The following NR6A1 variants were observed in gnomAD, a reference collection of about 807,000 sequenced individuals.
NR6A1 encodes the protein nuclear receptor subfamily 6 group A member 1.
In NR6A1, 7 loss-of-function variants were observed where a neutral mutation model predicts 59.1. That is an observed-to-expected ratio of 0.12 (90% confidence interval 0.07 to 0.22). The LOEUF (loss-of-function observed/expected upper bound fraction) is 0.22. Ranked by LOEUF, NR6A1 falls within the 10% of genes least tolerant of loss-of-function variation. The probability of loss-of-function intolerance (pLI) is 1.00; values close to 1 mark genes in which losing one functional copy is unlikely to be tolerated. For synonymous variants in NR6A1, 243 were observed against 236.1 expected (o/e 1.03, Z -0.27); for missense variants, 468 against 611.6 (o/e 0.77, Z 2.48).
At chr9:124,733,433 G>T in intron 1 of NR6A1, 84 bp from the exon 2 acceptor site, 1 of 1,054,858 alleles carries the variant, frequency 9.5e-7, no homozygotes, top group East Asian at 2.4e-5. Flanking sequence ...ATACAGTTGG[G>T]GGGAAATCTA....
intron 2 of NR6A1, among the ~76,000 whole-genome samples, chr9:124,643,560 C>T (rs1836832109): frequency 6.6e-6 from 1 of 151,198 alleles, no homozygotes; most frequent in African/African-American, 2.4e-5. Context: ...AGATTCCGCA[C>T]CACTGCATGC....
At chr9:124,672,586 GC>G (rs1171459415) in intron 2 of NR6A1, among the ~76,000 whole-genome samples, 2 of 151,900 alleles carry the variant, frequency 1.3e-5, no homozygotes, top group Non-Finnish European at 2.9e-5. Context: ...CTGCACTCCA[GC>G]CTGGGCGACA....
In NR6A1 at chr9:124,713,622, C is replaced by G. The variant is rs372173197; in HGVS notation, c.142+19686G>C. On this transcript the variant is annotated intron_variant, in intron 2 of 9. Coordinates refer to ENST00000487099, the MANE Select transcript of NR6A1 (RefSeq NM_033334.4). ...TCTCCAAAGAAGACACACAAATGGT[C>G]AATAAGCACATGAAAAGATGCTCAA... 1.1e-4 allele frequency among the ~76,000 whole-genome samples: 16 copies of G among 152,168 alleles called. 1 individual carries two copies. In the South Asian group the frequency reaches 2.7e-3, roughly 26 times the overall value.
chr9:124,639,757 C>T (rs1271490222), intron 2 of NR6A1, among the ~76,000 whole-genome samples: 1 of 152,154 alleles, frequency 6.6e-6, no homozygotes, highest in Non-Finnish European at 1.5e-5. Flanking sequence ...AAGATGAGCA[C>T]TGAGAATTTA....
chr9:124,630,551 A>G (rs1249632050), intron 2 of NR6A1, among the ~76,000 whole-genome samples: 1 of 149,980 alleles, frequency 6.7e-6, no homozygotes, highest in East Asian at 2.0e-4. Flanking sequence ...TCGGCTTAAA[A>G]CCAGTGGAGG....
chr9:124,767,552 A>G lies in NR6A1; in HGVS notation c.100+3468T>C, dbSNP rs372832794. On this transcript the variant is annotated intron_variant, in intron 1 of 9. Transcript: ENST00000487099. ...AAAGAAAAACCTGCGTGCTGTATGTACTAAGAAACAACAGTACTACAGCAT... is the reference window on the plus strand; with the variant it reads ...AAAGAAAAACCTGCGTGCTGTATGTGCTAAGAAACAACAGTACTACAGCAT... 1.2e-3 allele frequency among the ~76,000 whole-genome samples: 185 copies of G among 151,838 alleles called. 2 individuals are homozygous for G. Among genetic ancestry groups the G allele is most frequent in the African/African-American group, 4.0e-3 (165 of 41,476 alleles).
intron 2 of NR6A1, among the ~76,000 whole-genome samples, chr9:124,640,589 G>A (rs920357205): frequency 6.6e-6 from 1 of 151,936 alleles, no homozygotes; most frequent in Non-Finnish European, 1.5e-5. Context: ...TTGTAGCCAT[G>A]GGGTCTCGCT....
chr9:124,767,260 T>C (rs1202184596), intron 1 of NR6A1, among the ~76,000 whole-genome samples: 2 of 152,178 alleles, frequency 1.3e-5, no homozygotes, highest in African/African-American at 2.4e-5. Flanking sequence ...CCAACTCCCT[T>C]TCATGTACTA....
At chr9:124,689,056 C>T (rs1007019610) in intron 2 of NR6A1, among the ~76,000 whole-genome samples, 2 of 152,154 alleles carry the variant, frequency 1.3e-5, no homozygotes, top group Non-Finnish European at 2.9e-5. Flanking sequence ...TATATGTACA[C>T]ATACAATACA....
intron 2 of NR6A1, among the ~76,000 whole-genome samples, chr9:124,642,045 C>T (rs1022851021): frequency 6.6e-6 from 1 of 151,814 alleles, no homozygotes. Context: ...AGTTTGTGTG[C>T]TTCTTTTTTT....
chr9:124,608,349 G>A (rs1835635011), intron 2 of NR6A1, among the ~76,000 whole-genome samples: 1 of 151,742 alleles, frequency 6.6e-6, no homozygotes, highest in African/African-American at 2.4e-5. Flanking sequence ...GTGTCTGTGT[G>A]TTCACGTTGT....
At chr9:124,563,603 T>C (rs935439119) in intron 2 of NR6A1, among the ~76,000 whole-genome samples, 3 of 152,220 alleles carry the variant, frequency 2.0e-5, no homozygotes, top group African/African-American at 7.2e-5. Flanking sequence ...CCAAGTTCTG[T>C]CCTAAATTTG....
Position 124,668,207 on chromosome 9 carries a change from A to G in NR6A1, c.142+65101T>C, listed in dbSNP as rs559326248. Among the ~76,000 whole-genome samples, 292 of 152,328 alleles carry G rather than the reference A, an allele frequency of 1.9e-3. 1 individual carries two copies. Among genetic ancestry groups the G allele is most frequent in the African/African-American group, 6.8e-3 (281 of 41,568 alleles). On this transcript the variant is annotated intron_variant, in intron 2 of 9. Transcript: ENST00000487099. The stretch of plus-strand genomic sequence containing the variant: ...TTATTAAGAAAATCATAAGGAACAC[A>G]AAATATATTTACTATTCATTAAGGG...
chr9:124,760,398 T>C (rs958522502), intron 1 of NR6A1, among the ~76,000 whole-genome samples: 2 of 151,982 alleles, frequency 1.3e-5, no homozygotes, highest in African/African-American at 4.8e-5. Context: ...TAAGAGTGGG[T>C]CTTTTTGGCT....
At chr9:124,536,259 G>T in intron 6 of NR6A1, 127 bp from the exon 7 acceptor site, 1 of 1,041,518 alleles carries the variant, frequency 9.6e-7, no homozygotes, top group African/African-American at 1.6e-5. Flanking sequence ...ATGCCCACGG[G>T]TCTCCAGTTC....
At chr9:124,747,221 ACT>A (rs1156834282) in intron 1 of NR6A1, among the ~76,000 whole-genome samples, 3 of 126,476 alleles carry the variant, frequency 2.4e-5, no homozygotes, top group Non-Finnish European at 4.8e-5. Context: ...ACAGAGTTTC[ACT>A]TAGTCACCTA....
intron 2 of NR6A1, among the ~76,000 whole-genome samples, chr9:124,693,078 A>G (rs773189525): frequency 3.3e-5 from 5 of 152,210 alleles, no homozygotes; most frequent in Non-Finnish European, 5.9e-5. Flanking sequence ...TAGTGCCCAC[A>G]TATCCCCACA....
chr9:124,684,057 C>G (rs1032870971), intron 2 of NR6A1, among the ~76,000 whole-genome samples: 10 of 152,290 alleles, frequency 6.6e-5, no homozygotes, highest in Admixed American at 3.9e-4. Context: ...ATAGACAGAA[C>G]AAAACACTAG....
At chr9:124,768,046 C>G (rs1375554727) in intron 1 of NR6A1, among the ~76,000 whole-genome samples, 1 of 152,160 alleles carries the variant, frequency 6.6e-6, no homozygotes, top group African/African-American at 2.4e-5. Flanking sequence ...GCAGTCAGCA[C>G]AGGGAATTCC....
Sources: gnomAD v4.1 joint callset for allele counts (sites outside exome capture counted in the v4.1 genomes callset) on GRCh38, gnomAD v4.1.1 for gene constraint, MANE v1.5 for transcripts, NCBI Gene and HGNC (gene_info 2026-07-23, HGNC 2026-07-21) for gene names.